The following ADGRF5 variants were observed in gnomAD, a reference collection of about 807,000 sequenced individuals.
ADGRF5 encodes the protein G-protein coupled receptor 116.
In ADGRF5, 75 loss-of-function variants were observed where a neutral mutation model predicts 132.3. The observed-to-expected ratio is 0.57, with a 90% CI of 0.47 to 0.69. The LOEUF is 0.69. Ranked by LOEUF, ADGRF5 falls within the 30% of genes least tolerant of loss-of-function variation. The pLI, the probability that ADGRF5 is intolerant of heterozygous loss-of-function variation, is 0.00. For synonymous variants in ADGRF5, 629 were observed against 597.6 expected, an observed-to-expected ratio of 1.05 and a Z score of -0.77; for missense variants, 1,516 against 1,630.6, an observed-to-expected ratio of 0.93 and a Z score of 1.21.
At chr6:46,949,011 C>T (rs375915856) in intron 1 of ADGRF5, among the ~76,000 whole-genome samples, 25 of 152,206 alleles carry the variant, frequency 1.6e-4, no homozygotes, top group African/African-American at 5.1e-4. Context: ...TAGGCTGATG[C>T]GCATCTAAAA....
chr6:46,892,155 TACACACACACACACACACACACACAC>T (rs66857908), intron 3 of ADGRF5, among the ~76,000 whole-genome samples: 8 of 136,304 alleles, frequency 5.9e-5, no homozygotes, highest in South Asian at 5.1e-4. Flanking sequence ...AATACACAAA[TACACACACACACACACACACACACAC>T]ACACACACAC....
In ADGRF5 at chr6:46,912,230, T is replaced by C. The variant is rs559882877; in HGVS notation, c.-24-5444A>G. On this transcript the variant is annotated intron_variant, in intron 1 of 20. Transcript: ENST00000283296. The stretch of plus-strand genomic sequence containing the variant: ...GTGCAGAATTGTTTACAAAAGGCTA[T>C]ACCAGAAGGACCTGACCTAGTCTTA... 1.1e-4 allele frequency among the ~76,000 whole-genome samples: 16 copies of C among 152,320 alleles called. No individual in the cohort carries two copies. In the South Asian group the frequency reaches 1.9e-3, roughly 18 times the overall value.
At chr6:46,946,230 GAGA>G (rs1170361988) in intron 1 of ADGRF5, among the ~76,000 whole-genome samples, 1 of 152,204 alleles carries the variant, frequency 6.6e-6, no homozygotes, top group Non-Finnish European at 1.5e-5. Flanking sequence ...GTTGCAGCCA[GAGA>G]AGAAGGAGGG....
In ADGRF5 at chr6:46,878,422, A is replaced by C. The variant is rs770030453; in HGVS notation, c.1037-17T>G. ...CATATTCACCTGCATAAAATACACAAAATCATGTATTATTATAACACATGT... is the reference window on the plus strand; with the variant it reads ...CATATTCACCTGCATAAAATACACACAATCATGTATTATTATAACACATGT... On this transcript the variant is annotated splice_polypyrimidine_tract_variant and intron_variant, in intron 9 of 20. Transcript: ENST00000283296. 7.0e-7 allele frequency: 1 copy of C among 1,432,094 alleles called. No homozygotes were observed. Among genetic ancestry groups the C allele is most frequent in the Non-Finnish European group, 9.8e-7 (1 of 1,018,274 alleles). The allele number at this position is 1,432,094 out of a possible 1,614,324, so 88.7% of individuals were successfully genotyped here.
chr6:46,914,693 T>G (rs1006078713), intron 1 of ADGRF5, among the ~76,000 whole-genome samples: 1 of 151,814 alleles, frequency 6.6e-6, no homozygotes, highest in Non-Finnish European at 1.5e-5. Flanking sequence ...GTGAAAACAT[T>G]GAGTTCCTAA....
intron 1 of ADGRF5, among the ~76,000 whole-genome samples, chr6:46,936,988 C>G (rs934568670): frequency 2.0e-5 from 3 of 152,194 alleles, no homozygotes; most frequent in African/African-American, 4.8e-5. Flanking sequence ...CTTACCTCCC[C>G]ACCCTTCTTG....
intron 4 of ADGRF5, among the ~76,000 whole-genome samples, chr6:46,887,417 G>T (rs567732993): frequency 3.8e-4 from 58 of 152,172 alleles, no homozygotes; most frequent in Non-Finnish European, 7.5e-4. Context: ...GCTCCTGAAG[G>T]ACTCATAATG....
intron 1 of ADGRF5, among the ~76,000 whole-genome samples, chr6:46,948,132 G>A (rs1236071097): frequency 6.6e-6 from 1 of 152,192 alleles, no homozygotes. Context: ...ACAAAGGCAT[G>A]AAAAGCTTTG....
At chr6:46,953,464 A>C (rs766315800) in intron 1 of ADGRF5, among the ~76,000 whole-genome samples, 2 of 151,728 alleles carry the variant, frequency 1.3e-5, no homozygotes, top group African/African-American at 2.4e-5. Context: ...TCTACTAAAA[A>C]TACAAAACAT....
chr6:46,915,500 G>T (rs934061941), intron 1 of ADGRF5, among the ~76,000 whole-genome samples: 1 of 152,006 alleles, frequency 6.6e-6, no homozygotes, highest in Non-Finnish European at 1.5e-5. Context: ...GCAGTTATTT[G>T]CAATGTGGCT....
chr6:46,915,881 C>A (rs926719158), intron 1 of ADGRF5, among the ~76,000 whole-genome samples: 1 of 152,270 alleles, frequency 6.6e-6, no homozygotes, highest in Non-Finnish European at 1.5e-5. Flanking sequence ...CCAGTCCTCA[C>A]TCTCCCTGGC....
At position 46,859,108 on chromosome 6, in the gene ADGRF5, G is replaced by A. The variant is rs529657353; in HGVS notation, c.2795C>T (p.Thr932Ile). The stretch of plus-strand genomic sequence containing the variant: ...CATTGAAATCCTGAATGGCATAGTT[G>A]TATTGTGGCTGACAGTGGTTGTCAT... ...LVMTTTVSHN[T>I]TMPFRISMTF... Residue 932 changes from threonine (T) to isoleucine (I), a missense_variant, in exon 17 of 21, where the codon ACA (threonine) becomes ATA (isoleucine). Around this residue, in one of 2 missense-constraint regions of ADGRF5, gnomAD observed 571 missense variants for 701.2 expected, o/e 0.81. Coordinates refer to ENST00000283296, the MANE Select transcript of ADGRF5 (RefSeq NM_001098518.2). The A allele has an allele frequency of 1.1e-4, 170 of 1,613,844 alleles. No individual in the cohort carries two copies. The highest frequency in any genetic ancestry group is 1.3e-4 in the Non-Finnish European group (159 of 1,179,718).
At chr6:46,878,131 C>A (rs564961349) in intron 10 of ADGRF5, 71 bp downstream of exon 10, 2 of 950,826 alleles carry the variant, frequency 2.1e-6, no homozygotes, top group Admixed American at 3.5e-5. Context: ...CTTCCATACG[C>A]CACATCTCCC....
At chr6:46,890,537 G>GC in intron 3 of ADGRF5, among the ~76,000 whole-genome samples, 1 of 151,804 alleles carries the variant, frequency 6.6e-6, no homozygotes, top group East Asian at 2.0e-4. Context: ...GGCCAACATG[G>GC]GAAACCCCGT....
At chr6:46,882,139 T>A (rs905051049) in intron 6 of ADGRF5, 32 bp from the exon 7 acceptor site, 2 of 1,485,598 alleles carry the variant, frequency 1.3e-6, no homozygotes, top group African/African-American at 2.8e-5. Context: ...ATGTCATATA[T>A]CAAAGTCGAG....
At chr6:46,920,936 G>T (rs1776876582) in intron 1 of ADGRF5, among the ~76,000 whole-genome samples, 1 of 152,174 alleles carries the variant, frequency 6.6e-6, no homozygotes. Flanking sequence ...AGTATTATCT[G>T]TGTAATTCAA....
chr6:46,934,771 C>T lies in ADGRF5; in HGVS notation c.-25+19963G>A, dbSNP rs367755378. On this transcript the variant is annotated intron_variant, in intron 1 of 20. Coordinates refer to the ADGRF5 transcript ENST00000265417. ...GGAACAAACATATGTAGCTGAGTTC[C>T]TCTGTGTCAGGAGCTGCTATATAAA... Among the ~76,000 whole-genome samples, 92 of 152,270 alleles carry T rather than the reference C, an allele frequency of 6.0e-4. 1 individual carries two copies. In the South Asian group the frequency reaches 0.013, roughly 21 times the overall value.
At chr6:46,889,045 A>G (rs748356409) in intron 3 of ADGRF5, among the ~76,000 whole-genome samples, 4 of 151,980 alleles carry the variant, frequency 2.6e-5, no homozygotes, top group African/African-American at 4.8e-5. Context: ...ATAGTAAAAT[A>G]AAAGAGATTT....
At chr6:46,948,298 A>C (rs1448355774) in intron 1 of ADGRF5, among the ~76,000 whole-genome samples, 1 of 152,230 alleles carries the variant, frequency 6.6e-6, no homozygotes, top group African/African-American at 2.4e-5. Context: ...CAAAAACTTA[A>C]GCAAAAGTCT....
Sources: gnomAD v4.1 joint callset for allele counts (sites outside exome capture counted in the v4.1 genomes callset) on GRCh38, gnomAD v4.1.1 for gene constraint, gnomAD v4.1.1 regional missense constraint, MANE v1.5 for transcripts, NCBI Gene and HGNC (gene_info 2026-07-23, HGNC 2026-07-21) for gene names.